TBRG4: variants seen among roughly 807,000 people sequenced by gnomAD.
The protein encoded by TBRG4 is transforming growth factor beta regulator 4, also known as FAST kinase domain-containing protein 4.
A neutral mutation model predicts 65.6 loss-of-function variants in TBRG4; 43 were observed. The observed-to-expected ratio is 0.66, with a 90% confidence interval of 0.51 to 0.85. TBRG4 has a LOEUF of 0.85. TBRG4 is among the 40% of genes least tolerant of loss of function. TBRG4 has a pLI of 0.00. For missense variants in TBRG4, 709 were observed against 787.9 expected (o/e 0.90, Z 1.20); for synonymous variants, 366 against 341.4 (o/e 1.07, Z -0.79).
In TBRG4 at chr7:45,109,154, T is replaced by C. The variant is rs752646748; in HGVS notation, c.84A>G (p.Arg28=). ...TATGGGCTACCCAGGCAAGTCTCAG[T>C]CGGCCAACTGGAGCCATGGCAGGGG... is the stretch of plus-strand genomic sequence containing the variant. ...RQAPAMAPVG[R]LRLAWVAHKT... The change falls in exon 2 of 11, where the codon CGA becomes CGG. Residue 28 remains arginine (R), a synonymous_variant. Coordinates refer to ENST00000258770, the MANE Select transcript of TBRG4 (RefSeq NM_004749.4). The C allele has an allele frequency of 6.2e-7, 1 of 1,614,148 alleles. No individual in the cohort carries two copies. The highest frequency in any genetic ancestry group is 8.5e-7 in the Non-Finnish European group (1 of 1,179,988).
chr7:45,108,049 T>C (rs1235368912), intron 2 of TBRG4, among the ~76,000 whole-genome samples: 2 of 152,234 alleles, frequency 1.3e-5, no homozygotes, highest in Non-Finnish European at 2.9e-5. Context: ...GCTGGCCACA[T>C]CCCACTACAC....
chr7:45,104,038 T>C (rs945322454), intron 5 of TBRG4, 61 bp downstream of exon 5: 2 of 1,493,684 alleles, frequency 1.3e-6, no homozygotes, highest in Admixed American at 2.5e-5. Context: ...ACTAAGGCAA[T>C]GGTTCCCAGC....
chr7:45,103,618 A>C (rs138968908), intron 5 of TBRG4, 175 bp from the exon 6 acceptor site: 1 of 578,818 alleles, frequency 1.7e-6, no homozygotes, highest in Non-Finnish European at 3.1e-6. Flanking sequence ...AGGCCCAGAC[A>C]CTCCTTCGCC....
Position 45,105,591 on chromosome 7 carries a change from T to C in TBRG4, c.585A>G (p.Ser195=). Reference sequence around the variant, plus strand: ...GCAGCTCCTGCGAGTGCTGCTCCTGTGAGAGGGTGGCACAGGACTCTGCCA... The same window carrying C: ...GCAGCTCCTGCGAGTGCTGCTCCTGCGAGAGGGTGGCACAGGACTCTGCCA... The part of the protein sequence containing the change: ...AFLAESCATL[S]QEQHSQELLA... Residue 195 remains serine (S), a synonymous_variant, in exon 3 of 11, where the codon TCA becomes TCG. Transcript: ENST00000258770. 1 of 1,614,074 alleles carries C rather than the reference T, an allele frequency of 6.2e-7. No individual in the cohort carries two copies. Among genetic ancestry groups the C allele is most frequent in the Non-Finnish European group, 8.5e-7 (1 of 1,179,954 alleles).
intron 1 of TBRG4, 133 bp from the exon 2 acceptor site, chr7:45,109,420 T>C: frequency 1.4e-6 from 1 of 720,342 alleles, no homozygotes; most frequent in Non-Finnish European, 2.0e-6. Flanking sequence ...CATAGGTATG[T>C]GATAGTATTT....
chr7:45,103,172 C>T (rs906636095), intron 6 of TBRG4, 161 bp downstream of exon 6: 1 of 654,312 alleles, frequency 1.5e-6, no homozygotes. Flanking sequence ...TCAGTAATCC[C>T]TAGGATGCCT....
At chr7:45,105,162 G>A (rs1784899672) in intron 3 of TBRG4, 7 of 638,430 alleles carry the variant, frequency 1.1e-5, no homozygotes, top group South Asian at 1.0e-4. Context: ...AGATCGTGCT[G>A]TGATGGGGTT....
intron 2 of TBRG4, 36 bp downstream of exon 2, chr7:45,108,791 C>A: frequency 1.3e-6 from 2 of 1,483,306 alleles, no homozygotes; most frequent in South Asian, 2.9e-5. Flanking sequence ...CTGTTTTCCT[C>A]TTGTCTATGC....
chr7:45,104,799 C>T, intron 3 of TBRG4, 90 bp from the exon 4 acceptor site: 1 of 1,557,148 alleles, frequency 6.4e-7, no homozygotes, highest in Non-Finnish European at 8.7e-7. Flanking sequence ...CCATCCAGTG[C>T]AGCCCCTGTG....
rs746252266 is a variant in TBRG4 at position 45,101,964 on chromosome 7, C to G, written c.1428G>C (p.Ser476=). 6.3e-7 allele frequency: 1 copy of G among 1,591,718 alleles called. No individual in the cohort carries two copies. ...PEYSGPLLPA[S]AVAPGPSALD... ...GGGCTGAGGGCCCAGGGGCCACAGC[C>G]GAGGCAGGCAGAAGGGGACCCGAGT... The change falls in exon 8 of 11, where the codon TCG becomes TCC. Residue 476 remains serine (S), a synonymous_variant. Coordinates refer to ENST00000258770, the MANE Select transcript of TBRG4 (RefSeq NM_004749.4).
rs780242052 is a variant in TBRG4, at chr7:45,105,576, C to T, written c.600G>A (p.Ser200=). The T allele has an allele frequency of 6.7e-5, 108 of 1,614,044 alleles. No homozygotes were observed. Among genetic ancestry groups the T allele is most frequent in the Admixed American group, 2.3e-4 (14 of 60,014 alleles). The change falls in exon 3 of 11, where the codon TCG becomes TCA. Residue 200 remains serine (S), a synonymous_variant. Coordinates refer to ENST00000258770, the MANE Select transcript of TBRG4 (RefSeq NM_004749.4). ...SCATLSQEQH[S]QELLAELLTH... is the part of the protein sequence containing the mutation. ...TGAGCAGCTCAGCCAGCAGCTCCTG[C>T]GAGTGCTGCTCCTGTGAGAGGGTGG...
At chr7:45,100,449 G>C (rs779646364) in intron 10 of TBRG4, 23 bp from the exon 11 acceptor site, 2 of 1,588,096 alleles carry the variant, frequency 1.3e-6, no homozygotes, top group East Asian at 2.2e-5. Context: ...AGGGGAGACA[G>C]GTCACATGGG....
Position 45,103,414 on chromosome 7 carries a change from G to A in TBRG4, c.1095C>T (p.Thr365=), listed in dbSNP as rs1784833266. The A allele has an allele frequency of 6.2e-7, 1 of 1,613,938 alleles. No individual in the cohort carries two copies. The highest frequency in any genetic ancestry group is 8.5e-7 in the Non-Finnish European group (1 of 1,179,916). The part of the protein sequence containing the change: ...QHVLNRAQDI[T]LPHLCSVLLA... ...GAAGTACGCTGCACAGGTGGGGCAG[G>A]GTGATGTCCTGCGCTCTGTTCAGGA... The change falls in exon 6 of 11, where the codon ACC becomes ACT. Residue 365 remains threonine (T), a synonymous_variant. Transcript: ENST00000258770.
intron 2 of TBRG4, among the ~76,000 whole-genome samples, 193 bp downstream of exon 2, chr7:45,108,634 C>T (rs1381771171): frequency 6.6e-6 from 1 of 152,208 alleles, no homozygotes; most frequent in African/African-American, 2.4e-5. Flanking sequence ...GCAATATTTA[C>T]CTAACAGGCC....
intron 10 of TBRG4, among the ~76,000 whole-genome samples, chr7:45,100,891 T>C (rs1220169914): frequency 6.6e-6 from 1 of 152,194 alleles, no homozygotes; most frequent in African/African-American, 2.4e-5. Flanking sequence ...GGTCCTACTT[T>C]TCCTGACAAC....
At chr7:45,103,598 G>A in intron 5 of TBRG4, 155 bp from the exon 6 acceptor site, 1 of 635,400 alleles carries the variant, frequency 1.6e-6, no homozygotes, top group Non-Finnish European at 2.8e-6. Context: ...GAACAGAGAA[G>A]GACTTACACA....
intron 4 of TBRG4, 24 bp downstream of exon 4, chr7:45,104,512 TCC>T: frequency 6.2e-7 from 1 of 1,613,508 alleles, no homozygotes; most frequent in Non-Finnish European, 8.5e-7. Flanking sequence ...CTCCCCTCTC[TCC>T]ACCGTTCTGT....
rs778462019 is a variant in TBRG4, at chr7:45,105,596, G to C, written c.580C>G (p.Leu194Val). 6.8e-6 allele frequency: 11 copies of C among 1,614,046 alleles called. No homozygotes were observed. The African/African-American group carries it at 1.3e-4, about 20-fold the overall frequency. Residue 194 changes from leucine (L) to valine (V), a missense_variant, in exon 3 of 11, where the codon CTC becomes GTC. By Grantham distance (32) the Leu-to-Val change is conservative. Transcript: ENST00000258770. ...LAFLAESCAT[L>V]SQEQHSQELL... ...TCCTGCGAGTGCTGCTCCTGTGAGAGGGTGGCACAGGACTCTGCCAGGAAG... is the reference window on the plus strand; with the variant it reads ...TCCTGCGAGTGCTGCTCCTGTGAGACGGTGGCACAGGACTCTGCCAGGAAG...
intron 2 of TBRG4, chr7:45,107,375 A>T (rs1784992074): frequency 6.6e-6 from 1 of 152,226 alleles, no homozygotes; most frequent in African/African-American, 2.4e-5. Flanking sequence ...CTATTCAGGT[A>T]CTGTGTCCAC....
Sources: allele counts gnomAD v4.1 joint callset (sites outside exome capture counted in the v4.1 genomes callset), GRCh38; gene constraint gnomAD v4.1.1; transcripts MANE v1.5; gene names NCBI Gene and HGNC (gene_info 2026-07-23, HGNC 2026-07-21).